GRID2: variants seen among roughly 807,000 people sequenced by gnomAD.
The protein encoded by GRID2 is glutamate receptor ionotropic, delta-2.
A neutral mutation model predicts 114.8 loss-of-function variants in GRID2; 33 were observed. That is an observed-to-expected ratio of 0.29 (90% CI 0.22 to 0.38). GRID2 has a LOEUF of 0.38. Among genes scored for constraint, GRID2 ranks in the 10% least tolerant of loss-of-function variants. The pLI is 1.00. For synonymous variants in GRID2, 505 were observed against 449.9 expected, an observed-to-expected ratio of 1.12 and a Z score of -1.55; for missense variants, 1,184 against 1,257.7, an observed-to-expected ratio of 0.94 and a Z score of 0.89.
intron 4 of GRID2, among the ~76,000 whole-genome samples, chr4:93,160,172 A>C (rs1737556764): frequency 6.6e-6 from 1 of 151,796 alleles, no homozygotes; most frequent in African/African-American, 2.4e-5. Context: ...GAGTTGTAAA[A>C]CACAGGCCAT....
At chr4:92,343,750 T>A (rs1245480090) in intron 1 of GRID2, among the ~76,000 whole-genome samples, 3 of 152,124 alleles carry the variant, frequency 2.0e-5, no homozygotes, top group East Asian at 3.9e-4. Flanking sequence ...AATTTTGTAT[T>A]TTTAGTAGAG....
At chr4:92,551,701 A>G (rs1726598936) in intron 1 of GRID2, among the ~76,000 whole-genome samples, 1 of 152,188 alleles carries the variant, frequency 6.6e-6, no homozygotes, top group Admixed American at 6.6e-5. Context: ...CATAAACAAT[A>G]GTACAAACAC....
intron 1 of GRID2, among the ~76,000 whole-genome samples, chr4:92,343,492 G>T (rs1158539508): frequency 2.0e-5 from 3 of 151,940 alleles, no homozygotes; most frequent in South Asian, 4.1e-4. Flanking sequence ...GCCTACTGTA[G>T]ACTGGAAGCC....
intron 1 of GRID2, among the ~76,000 whole-genome samples, chr4:92,322,625 G>A (rs1003560113): frequency 2.6e-5 from 4 of 152,022 alleles, no homozygotes; most frequent in Admixed American, 2.6e-4. Flanking sequence ...GAGGCAAACT[G>A]GGGCAAATAA....
intron 2 of GRID2, among the ~76,000 whole-genome samples, chr4:92,917,847 C>A (rs1748941237): frequency 6.6e-6 from 1 of 152,022 alleles, no homozygotes; most frequent in Non-Finnish European, 1.5e-5. Flanking sequence ...TTTTTTGGTT[C>A]CATGTGAGCT....
intron 13 of GRID2, among the ~76,000 whole-genome samples, chr4:93,620,316 C>T (rs945956849): frequency 2.0e-5 from 3 of 152,168 alleles, no homozygotes; most frequent in Admixed American, 6.5e-5. Flanking sequence ...AAAGGATCAT[C>T]ACTTCTGTGT....
In GRID2 at chr4:92,965,450, T is replaced by TAAAAAAAA. The variant is rs869285420; in HGVS notation, c.245-119513_245-119506dup. Among the ~76,000 whole-genome samples, 342 of 85,638 alleles carry TAAAAAAAA rather than the reference T, an allele frequency of 4.0e-3. 12 individuals carry two copies. The highest frequency in any genetic ancestry group is 5.3e-3 in the Non-Finnish European group (221 of 41,752). The allele number at this position is 85,638 out of a possible 152,430, so 56.2% of individuals were successfully genotyped here. A position where few individuals can be genotyped will look rare whatever the true frequency, so the allele number is the denominator to read the frequency against. ...AGGGTTGCCATAAACATTCAATTTG[T>TAAAAAAAA]AAAAAAAAAAAAAAAAAAAAAAAAA... On this transcript the variant is annotated intron_variant, in intron 2 of 15. Coordinates refer to ENST00000282020, the MANE Select transcript of GRID2 (RefSeq NM_001510.4).
chr4:93,456,443 T>A (rs1723205862), intron 11 of GRID2, among the ~76,000 whole-genome samples: 1 of 152,232 alleles, frequency 6.6e-6, no homozygotes, highest in African/African-American at 2.4e-5. Flanking sequence ...AATTTGAGAC[T>A]GATGAGAAAT....
chr4:92,806,585 A>G (rs1042901838), intron 2 of GRID2, among the ~76,000 whole-genome samples: 5 of 151,872 alleles, frequency 3.3e-5, no homozygotes, highest in African/African-American at 1.2e-4. Context: ...TGTGCTAAGT[A>G]TGATAATTAG....
chr4:92,456,531 T>A (rs1018034215), intron 1 of GRID2, among the ~76,000 whole-genome samples: 1 of 152,098 alleles, frequency 6.6e-6, no homozygotes, highest in Non-Finnish European at 1.5e-5. Flanking sequence ...CACTAGGTAG[T>A]GTAGAGGATG....
chr4:93,723,136 A>G (rs565898183), intron 14 of GRID2, among the ~76,000 whole-genome samples: 11 of 152,340 alleles, frequency 7.2e-5, no homozygotes, highest in African/African-American at 2.2e-4. Flanking sequence ...CCCCTACCAG[A>G]ATGAATCATG....
intron 2 of GRID2, among the ~76,000 whole-genome samples, chr4:92,732,330 T>C (rs1380746095): frequency 6.6e-6 from 1 of 152,066 alleles, no homozygotes; most frequent in Non-Finnish European, 1.5e-5. Context: ...TGATTCAGTA[T>C]CATCTAAAAT....
Position 92,472,187 on chromosome 4 carries a change from C to T in GRID2, c.89-117944C>T, listed in dbSNP as rs1236790413. Among the ~76,000 whole-genome samples, 2 of 61,028 alleles carry T rather than the reference C, an allele frequency of 3.3e-5. 1 individual carries two copies. The highest frequency in any genetic ancestry group is 6.8e-5 in the Non-Finnish European group (2 of 29,598). 40.0% of individuals were successfully genotyped at this position (61,028 alleles called of 152,430 possible). ...TGACCTCGTGATCCGCCCGCCTCGG[C>T]CTCCCAAAGTGCTGGGATTACAGGC... On this transcript the variant is annotated intron_variant, in intron 1 of 15. Coordinates refer to ENST00000282020, the MANE Select transcript of GRID2 (RefSeq NM_001510.4).
rs531604455 is a variant in GRID2, at chr4:93,484,583, ATATT to A, written c.1859-6052_1859-6049del. Among the ~76,000 whole-genome samples, 11 of 152,038 alleles carry A rather than the reference ATATT, an allele frequency of 7.2e-5. No homozygotes were observed. The South Asian group carries it at 2.3e-3, about 31-fold the overall frequency. On this transcript the variant is annotated intron_variant, in intron 11 of 15. Coordinates refer to ENST00000282020, the MANE Select transcript of GRID2 (RefSeq NM_001510.4). ...TGGGGGGCTGCCACAAGATTAGATA[ATATT>A]TATGGACAGAAAGAAGAAAGTGACA...
intron 2 of GRID2, among the ~76,000 whole-genome samples, chr4:93,018,206 C>G (rs1722950007): frequency 1.5e-5 from 2 of 130,646 alleles, no homozygotes; most frequent in Non-Finnish European, 3.1e-5. Flanking sequence ...ATTTTAAGTT[C>G]CCAGTGTATT....
chr4:93,361,826 T>G (rs1761906944), intron 8 of GRID2, among the ~76,000 whole-genome samples: 1 of 152,170 alleles, frequency 6.6e-6, no homozygotes, highest in African/African-American at 2.4e-5. Flanking sequence ...GCTGCTAGTT[T>G]TTTTTTAGAT....
intron 14 of GRID2, among the ~76,000 whole-genome samples, chr4:93,728,901 G>C (rs544083204): frequency 3.3e-5 from 5 of 152,140 alleles, no homozygotes; most frequent in Non-Finnish European, 5.9e-5. Context: ...AGATGGGTTT[G>C]CTGAATACAA....
chr4:93,060,064 A>T (rs1727638377), intron 2 of GRID2, among the ~76,000 whole-genome samples: 1 of 152,038 alleles, frequency 6.6e-6, no homozygotes, highest in Non-Finnish European at 1.5e-5. Flanking sequence ...CAAAAAGTTT[A>T]TGTTTAGTCA....
At chr4:93,200,302 C>T (rs1040472610) in intron 4 of GRID2, among the ~76,000 whole-genome samples, 1 of 152,186 alleles carries the variant, frequency 6.6e-6, no homozygotes, top group Non-Finnish European at 1.5e-5. Context: ...TGCGGTGGCT[C>T]ACGCCTGTAA....
Sources: gnomAD v4.1 joint callset for allele counts (sites outside exome capture counted in the v4.1 genomes callset) on GRCh38, gnomAD v4.1.1 for gene constraint, MANE v1.5 for transcripts, NCBI Gene and HGNC (gene_info 2026-07-23, HGNC 2026-07-21) for gene names.